C1QL2: variants seen among roughly 807,000 people sequenced by gnomAD.
C1QL2 encodes complement C1q-like protein 2.
C1QL2 carries 13 observed loss-of-function variants against 16.6 expected under a neutral mutation model. The ratio of observed to expected loss-of-function variants is 0.78; its 90% confidence interval spans 0.51 to 1.25. The LOEUF is 1.25. Ranked by LOEUF, C1QL2 falls within the 50% of genes most tolerant of loss-of-function variation. The probability of loss-of-function intolerance (pLI) is 0.00; values close to 1 mark genes in which losing one functional copy is unlikely to be tolerated. For missense variants in C1QL2, 396 were observed against 409.6 expected (o/e 0.97, Z 0.29); for synonymous variants, 210 against 183.2 (o/e 1.15, Z -1.18).
rs747736799 is a variant in C1QL2 at position 119,158,085 on chromosome 2, A to G, written c.185T>C (p.Met62Thr). 13 of 1,528,144 alleles carry G rather than the reference A, an allele frequency of 8.5e-6. No homozygotes were observed. Among genetic ancestry groups the G allele is most frequent in the Non-Finnish European group, 1.1e-5 (12 of 1,138,710 alleles). The allele number at this position is 1,528,144 out of a possible 1,614,324, so 94.7% of individuals were successfully genotyped here. The change falls in exon 1 of 2, where the codon ATG becomes ACG. Residue 62 changes from methionine (M) to threonine (T), a missense_variant. Met to Thr is a moderately conservative substitution (Grantham distance 81). Around this residue, in one of 2 missense-constraint regions of C1QL2, gnomAD observed 353 missense variants for 334.8 expected, o/e 1.05. Transcript: ENST00000272520. Reference sequence around the variant, plus strand: ...AGGAGGGTTGGCGCTGAGGTCCTGCATGACTTCCAGGGCGGCGGTGCTGGG... The same window carrying G: ...AGGAGGGTTGGCGCTGAGGTCCTGCGTGACTTCCAGGGCGGCGGTGCTGGG... ...PGPSTAALEV[M>T]QDLSANPPPP...
chr2:119,158,423 G>C lies in C1QL2; in HGVS notation c.-154C>G. 2 of 512,638 alleles carry C rather than the reference G, an allele frequency of 3.9e-6. No individual in the cohort carries two copies. Among genetic ancestry groups the C allele is most frequent in the Non-Finnish European group, 5.8e-6 (2 of 345,572 alleles). The allele number at this position is 512,638 out of a possible 1,614,324, so 31.8% of individuals were successfully genotyped here. On this transcript the variant is annotated 5_prime_UTR_variant, in exon 1 of 2. Transcript: ENST00000272520. Reference sequence around the variant, plus strand: ...CCCCGCGCTCGGGGACCGGCTCCGCGGGTCCTGGCCGCGCCCCCGACGTGG... The same window carrying C: ...CCCCGCGCTCGGGGACCGGCTCCGCCGGTCCTGGCCGCGCCCCCGACGTGG...
At chr2:119,157,045 C>G in intron 1 of C1QL2, 64 bp from the exon 2 acceptor site, 4 of 1,570,064 alleles carry the variant, frequency 2.5e-6, no homozygotes, top group Non-Finnish European at 3.5e-6. Context: ...GCTCAGCCCA[C>G]ACCAGGCGCG....
rs766008854 is a variant in C1QL2 at position 119,157,661 on chromosome 2, G to A, written c.609C>T (p.Tyr203=). Reference sequence around the variant, plus strand: ...GCATGAGGATGTGGTAGGTGAAGAAGTAGATGCCGCGTACCTGGCAGCTGA... The same window carrying A: ...GCATGAGGATGTGGTAGGTGAAGAAATAGATGCCGCGTACCTGGCAGCTGA... The part of the protein sequence containing the change: ...GKFSCQVRGI[Y]FFTYHILMRG... The change falls in exon 1 of 2, where the codon TAC becomes TAT. Residue 203 remains tyrosine, a synonymous_variant. Transcript: ENST00000272520. The A allele has an allele frequency of 1.2e-6, 2 of 1,614,120 alleles. No individual in the cohort carries two copies. The highest frequency in any genetic ancestry group is 1.7e-6 in the Non-Finnish European group (2 of 1,179,998).
chr2:119,156,861 G>T lies in C1QL2; in HGVS notation c.805C>A (p.His269Asn). The stretch of plus-strand genomic sequence containing the variant: ...CTGTACTTGTTATTATTGCCTCCGT[G>T]AGCCTTCCCGCCATCCAGCTTCACA... ...VYVKLDGGKA[H>N]GGNNNKYSTF... The change falls in exon 2 of 2, where the codon CAC (histidine) becomes AAC (asparagine). Residue 269 changes from histidine (H) to asparagine (N), a missense_variant. His to Asn is a moderately conservative substitution (Grantham distance 68). Transcript: ENST00000272520. 6.2e-7 allele frequency: 1 copy of T among 1,614,084 alleles called. No individual in the cohort carries two copies. Among genetic ancestry groups the T allele is most frequent in the Non-Finnish European group, 8.5e-7 (1 of 1,179,942 alleles).
Position 119,156,524 on chromosome 2 carries a change from G to A in C1QL2, c.*278C>T. 1 of 342,278 alleles carries A rather than the reference G, an allele frequency of 2.9e-6. No homozygotes were observed. The highest frequency in any genetic ancestry group is 5.4e-6 in the Non-Finnish European group (1 of 186,492). 21.2% of individuals were successfully genotyped at this position (342,278 alleles called of 1,614,324 possible). Reference sequence around the variant, plus strand: ...GCAGGCTCCCGGCCCTGCCTGTCCAGTCTAATCAGGTTTGCAAAGTCTGTG... The same window carrying A: ...GCAGGCTCCCGGCCCTGCCTGTCCAATCTAATCAGGTTTGCAAAGTCTGTG... On this transcript the variant is annotated 3_prime_UTR_variant, in exon 2 of 2. Coordinates refer to ENST00000272520, the MANE Select transcript of C1QL2 (RefSeq NM_182528.4).
chr2:119,156,501 AGGCTCCCGGCCCT>A lies in C1QL2; in HGVS notation c.*288_*300del, dbSNP rs1257586536. The A allele has an allele frequency of 7.8e-5, 19 of 244,708 alleles. No homozygotes were observed. The highest frequency in any genetic ancestry group is 1.2e-4 in the Non-Finnish European group (15 of 127,298). The allele number at this position is 244,708 out of a possible 1,614,324, so 15.2% of individuals were successfully genotyped here. A position where few individuals can be genotyped will look rare whatever the true frequency, so the allele number is the denominator to read the frequency against. Reference sequence around the variant, plus strand: ...TGGGAGGAGGCTGTCTGAGGAGGGCAGGCTCCCGGCCCTGCCTGTCCAGTCTAATCAGGTTTGC... The same window carrying A: ...TGGGAGGAGGCTGTCTGAGGAGGGCAGCCTGTCCAGTCTAATCAGGTTTGC... On this transcript the variant is annotated 3_prime_UTR_variant, in exon 2 of 2. Transcript: ENST00000272520.
chr2:119,156,740 G>A lies in C1QL2; in HGVS notation c.*62C>T. The A allele has an allele frequency of 1.9e-6, 3 of 1,555,210 alleles. No individual in the cohort carries two copies. In the South Asian group the frequency reaches 3.6e-5, roughly 19 times the overall value. On this transcript the variant is annotated 3_prime_UTR_variant, in exon 2 of 2. Coordinates refer to ENST00000272520, the MANE Select transcript of C1QL2 (RefSeq NM_182528.4). ...TGAATCGAGAGTGGCCTTTGCCAAG[G>A]AGCCGCGCCCGGGCGGAGACCGGGC... is the stretch of plus-strand genomic sequence containing the variant.
Position 119,158,008 on chromosome 2 carries a change from C to G in C1QL2, c.262G>C (p.Gly88Arg). 1 of 1,524,870 alleles carries G rather than the reference C, an allele frequency of 6.6e-7. No homozygotes were observed. The highest frequency in any genetic ancestry group is 8.8e-7 in the Non-Finnish European group (1 of 1,137,204). The allele number at this position is 1,524,870 out of a possible 1,614,324, so 94.5% of individuals were successfully genotyped here. Residue 88 changes from glycine to arginine, a missense_variant, in exon 1 of 2, where the codon GGG (glycine) becomes CGG (arginine). Physicochemically the swap from Gly to Arg is moderately radical, Grantham distance 125. Around this residue, in one of 2 missense-constraint regions of C1QL2, gnomAD observed 353 missense variants for 334.8 expected, o/e 1.05. Transcript: ENST00000272520. ...GGCTCTCCAGGGGGCCCCCGCGGCC[C>G]TGGCTTGCCCGGTCGCCCCGGGTCG... Reference protein sequence around the residue: ...KGDPGRPGKPGPRGPPGEPGP... With the variant: ...KGDPGRPGKPRPRGPPGEPGP...
At position 119,158,117 on chromosome 2, in the gene C1QL2, T is replaced by C; in HGVS notation, c.153A>G (p.Pro51=). The C allele has an allele frequency of 6.5e-7, 1 of 1,540,844 alleles. No individual in the cohort carries two copies. The part of the protein sequence containing the change: ...GGEPPGAKAQ[P]PGPSTAALEV... ...CCAGGGCGGCGGTGCTGGGTCCGGGTGGCTGCGCCTTTGCACCCGGGGGCT... is the reference window on the plus strand; with the variant it reads ...CCAGGGCGGCGGTGCTGGGTCCGGGCGGCTGCGCCTTTGCACCCGGGGGCT... Residue 51 remains proline, a synonymous_variant, in exon 1 of 2, where the codon CCA becomes CCG. Transcript: ENST00000272520.
chr2:119,158,141 C>A lies in C1QL2; in HGVS notation c.129G>T (p.Glu43Asp). 1 of 1,559,784 alleles carries A rather than the reference C, an allele frequency of 6.4e-7. No individual in the cohort carries two copies. The highest frequency in any genetic ancestry group is 1.2e-5 in the South Asian group (1 of 85,036). ...GTGGCTGCGCCTTTGCACCCGGGGG[C>A]TCCCCGCCGGGCGCGGCAGTGTAAG... ...CDPYTAAPGG[E>D]PPGAKAQPPG... is the part of the protein sequence containing the mutation. The change falls in exon 1 of 2, where the codon GAG (glutamate) becomes GAT (aspartate). Residue 43 changes from glutamate (E) to aspartate (D), a missense_variant. Physicochemically the swap from Glu to Asp is conservative, Grantham distance 45. This residue lies in a region of C1QL2 where 353 missense variants were observed against 334.8 expected (regional missense o/e 1.05). Coordinates refer to ENST00000272520, the MANE Select transcript of C1QL2 (RefSeq NM_182528.4).
Position 119,158,539 on chromosome 2 carries a change from C to G in C1QL2, c.-270G>C. The G allele has an allele frequency of 4.2e-6, 1 of 236,954 alleles. No individual in the cohort carries two copies. The highest frequency in any genetic ancestry group is 8.2e-6 in the Non-Finnish European group (1 of 122,124). 14.7% of individuals were successfully genotyped at this position (236,954 alleles called of 1,614,324 possible). A position where few individuals can be genotyped will look rare whatever the true frequency, so the allele number is the denominator to read the frequency against. Reference sequence around the variant, plus strand: ...ACCGCGCTGGGGCTGGTCGGGAGAGCCGCGGACGCCCGCGCGCATGACGTG... The same window carrying G: ...ACCGCGCTGGGGCTGGTCGGGAGAGGCGCGGACGCCCGCGCGCATGACGTG... On this transcript the variant is annotated 5_prime_UTR_variant, in exon 1 of 2. Transcript: ENST00000272520.
chr2:119,158,239 G>A lies in C1QL2; in HGVS notation c.31C>T (p.Leu11=), dbSNP rs1259025599. The change falls in exon 1 of 2, where the codon CTG becomes TTG. Residue 11 remains leucine (L), a synonymous_variant. Coordinates refer to ENST00000272520, the MANE Select transcript of C1QL2 (RefSeq NM_182528.4). ...CCTCGGGGCGCCGCCTGCAGCAGCA[G>A]CGGCACGGCGATGAGCAGCCCGAGC... MALGLLIAVP[L]LLQAAPRGAA... 1.3e-6 allele frequency: 2 copies of A among 1,572,218 alleles called. No individual in the cohort carries two copies. The highest frequency in any genetic ancestry group is 1.7e-6 in the Non-Finnish European group (2 of 1,164,374).
In C1QL2 at chr2:119,156,913, C is replaced by T. The variant is rs1677970911; in HGVS notation, c.753G>A (p.Leu251=). The T allele has an allele frequency of 1.9e-6, 3 of 1,614,098 alleles. No homozygotes were observed. Among genetic ancestry groups the T allele is most frequent in the African/African-American group, 1.3e-5 (1 of 75,060 alleles). ...NYDYASNSVV[L]HLDSGDEVYV... The stretch of plus-strand genomic sequence containing the variant: ...ACACTTCGTCCCCTGAATCCAAGTG[C>T]AGCACCACGCTGTTACTGGCGTAGT... The change falls in exon 2 of 2, where the codon CTG becomes CTA. Residue 251 remains leucine (L), a synonymous_variant. Transcript: ENST00000272520.
At position 119,158,379 on chromosome 2, in the gene C1QL2, C is replaced by T; in HGVS notation, c.-110G>A. 2.1e-6 allele frequency: 2 copies of T among 965,138 alleles called. No individual in the cohort carries two copies. Among genetic ancestry groups the T allele is most frequent in the Non-Finnish European group, 1.3e-6 (1 of 745,220 alleles). The allele number at this position is 965,138 out of a possible 1,614,324, so 59.8% of individuals were successfully genotyped here. A position where few individuals can be genotyped will look rare whatever the true frequency, so the allele number is the denominator to read the frequency against. ...GCCGCCCGGGGAGGTAATGGTGGGGCGGCGCGGGCGGCCCCGCTCCCCGCG... is the reference window on the plus strand; with the variant it reads ...GCCGCCCGGGGAGGTAATGGTGGGGTGGCGCGGGCGGCCCCGCTCCCCGCG... On this transcript the variant is annotated 5_prime_UTR_variant, in exon 1 of 2. Coordinates refer to ENST00000272520, the MANE Select transcript of C1QL2 (RefSeq NM_182528.4).
rs527344405 is a variant in C1QL2, at chr2:119,158,401, C to T, written c.-132G>A. 384 of 725,366 alleles carry T rather than the reference C, an allele frequency of 5.3e-4. 3 individuals carry two copies. In the African/African-American group the frequency reaches 6.5e-3, roughly 12 times the overall value. 44.9% of individuals were successfully genotyped at this position (725,366 alleles called of 1,614,324 possible). On this transcript the variant is annotated 5_prime_UTR_variant, in exon 1 of 2. Coordinates refer to ENST00000272520, the MANE Select transcript of C1QL2 (RefSeq NM_182528.4). The stretch of plus-strand genomic sequence containing the variant: ...GGGCGGCGCGGGCGGCCCCGCTCCC[C>T]GCGCTCGGGGACCGGCTCCGCGGGT...
At position 119,156,609 on chromosome 2, in the gene C1QL2, G is replaced by A. The variant is rs975242118; in HGVS notation, c.*193C>T. The A allele has an allele frequency of 1.2e-4, 78 of 644,844 alleles. No homozygotes were observed. The highest frequency in any genetic ancestry group is 1.9e-4 in the Non-Finnish European group (74 of 397,746). The allele number at this position is 644,844 out of a possible 1,614,324, so 39.9% of individuals were successfully genotyped here. On this transcript the variant is annotated 3_prime_UTR_variant, in exon 2 of 2. Coordinates refer to ENST00000272520, the MANE Select transcript of C1QL2 (RefSeq NM_182528.4). The stretch of plus-strand genomic sequence containing the variant: ...CTTGCCGGGATGGGGATGGAGACCA[G>A]GAGCACAGCCCTGAGCGTGGTGGGT...
rs547869145 is a variant in C1QL2, at chr2:119,157,485, G to T, written c.684+101C>A. The T allele has an allele frequency of 2.1e-4, 289 of 1,401,312 alleles. 1 individual carries two copies. In the East Asian group the frequency reaches 7.0e-3, roughly 34 times the overall value. 86.8% of individuals were successfully genotyped at this position (1,401,312 alleles called of 1,614,324 possible). On this transcript the variant is annotated intron_variant, in intron 1 of 1. Transcript: ENST00000272520. ...CGAGGCGCGTTCATTCCCGGGGCTC[G>T]CAGGGTAGCCCGCGGGTGGAGAGAA...
chr2:119,157,011 C>T, intron 1 of C1QL2, 30 bp from the exon 2 acceptor site: 1 of 1,608,462 alleles, frequency 6.2e-7, no homozygotes, highest in Non-Finnish European at 8.5e-7. Flanking sequence ...GCAGGTGAGC[C>T]GGGGCACCTC....
Position 119,156,786 on chromosome 2 carries a change from C to T in C1QL2, c.*16G>A, listed in dbSNP as rs1677968838. ...CGGGCGGCCTGCAGCCACCCCGCCT[C>T]GCACCCCCCGCGCCCCTAATCCGGG... On this transcript the variant is annotated 3_prime_UTR_variant, in exon 2 of 2. Coordinates refer to ENST00000272520, the MANE Select transcript of C1QL2 (RefSeq NM_182528.4). 2 of 1,607,786 alleles carry T rather than the reference C, an allele frequency of 1.2e-6. No individual in the cohort carries two copies. Among genetic ancestry groups the T allele is most frequent in the East Asian group, 2.2e-5 (1 of 44,744 alleles).
Sources: gnomAD v4.1 joint callset for allele counts on GRCh38, gnomAD v4.1.1 for gene constraint, gnomAD v4.1.1 regional missense constraint, MANE v1.5 for transcripts, NCBI Gene and HGNC (gene_info 2026-07-23, HGNC 2026-07-21) for gene names.